KDM4C: variants seen among roughly 807,000 people sequenced by gnomAD.
KDM4C encodes lysine-specific demethylase 4C.
Under a neutral mutation model 129.3 loss-of-function variants are expected in KDM4C, and 81 were observed. That is an observed-to-expected ratio of 0.63 (90% CI 0.52 to 0.75). The LOEUF is 0.75. Among genes scored for constraint, KDM4C ranks in the 30% least tolerant of loss-of-function variants. The pLI, the probability that KDM4C is intolerant of heterozygous loss-of-function variation, is 0.00. For missense variants in KDM4C, 1,457 were observed against 1,304.0 expected (o/e 1.12, Z -1.81); for synonymous variants, 573 against 456.1 (o/e 1.26, Z -3.26).
chr9:6,758,099 G>C lies in KDM4C; in HGVS notation c.-122G>C, dbSNP rs765445583. 8.1e-6 allele frequency: 8 copies of C among 985,512 alleles called. No homozygotes were observed. The African/African-American group carries it at 1.4e-4, about 17-fold the overall frequency. 61.0% of individuals were successfully genotyped at this position (985,512 alleles called of 1,614,324 possible). On this transcript the variant is annotated 5_prime_UTR_variant, in exon 1 of 22. Coordinates refer to ENST00000381309, the MANE Select transcript of KDM4C (RefSeq NM_015061.6). The surrounding 1 kb of genome is among the most constrained non-coding windows in gnomAD (Gnocchi z 4.6). ...GTGCGCAGCGAACAGCTGTCACCTAGTGCGGAACAAGTCTCCCAAATTTCC... is the reference window on the plus strand; with the variant it reads ...GTGCGCAGCGAACAGCTGTCACCTACTGCGGAACAAGTCTCCCAAATTTCC...
intron 17 of KDM4C, among the ~76,000 whole-genome samples, chr9:7,072,739 A>G (rs1479546271): frequency 6.6e-6 from 1 of 152,238 alleles, no homozygotes; most frequent in Non-Finnish European, 1.5e-5. Context: ...AAGTATACAC[A>G]CTAAAGGATG....
At chr9:7,162,271 T>C (rs1843882176) in intron 19 of KDM4C, among the ~76,000 whole-genome samples, 1 of 152,220 alleles carries the variant, frequency 6.6e-6, no homozygotes, top group African/African-American at 2.4e-5. Flanking sequence ...GAAAGCAAAC[T>C]GAAATGTCTT....
chr9:6,823,311 C>G (rs780979049), intron 4 of KDM4C, among the ~76,000 whole-genome samples: 1 of 152,118 alleles, frequency 6.6e-6, no homozygotes, highest in Non-Finnish European at 1.5e-5. Context: ...ATGTTTTGCA[C>G]CAAAAGGGGG....
chr9:6,875,931 C>A (rs1317827385), intron 5 of KDM4C, among the ~76,000 whole-genome samples: 4 of 152,124 alleles, frequency 2.6e-5, no homozygotes, highest in Non-Finnish European at 5.9e-5. Context: ...GACAGTAACC[C>A]AAATGACTCA....
chr9:6,861,624 T>A (rs777325525), intron 5 of KDM4C, among the ~76,000 whole-genome samples: 1 of 152,322 alleles, frequency 6.6e-6, no homozygotes, highest in African/African-American at 2.4e-5. Context: ...AAACTTAATA[T>A]AGCCAATTGT....
At chr9:7,125,459 C>T (rs112328596) in intron 18 of KDM4C, among the ~76,000 whole-genome samples, 5 of 152,166 alleles carry the variant, frequency 3.3e-5, no homozygotes, top group Admixed American at 1.3e-4. Context: ...ATTTGACTCT[C>T]CAACATCAGA....
intron 17 of KDM4C, among the ~76,000 whole-genome samples, chr9:7,070,640 T>C (rs1833068576): frequency 6.6e-6 from 1 of 152,106 alleles, no homozygotes; most frequent in Non-Finnish European, 1.5e-5. Context: ...GAAAAAAACA[T>C]TTAACTGGAT....
chr9:6,726,141 C>G (rs1817120601), intron 1 of KDM4C, among the ~76,000 whole-genome samples: 1 of 152,066 alleles, frequency 6.6e-6, no homozygotes, highest in African/African-American at 2.4e-5. Flanking sequence ...CGCGGCCAGA[C>G]TGGTCTCAAA....
rs1049511079 is a variant in KDM4C, at chr9:7,013,648, A to G, written c.1969-140A>G. ...GTGGAATATTGATTTAAAAAAAACTAGTAGTTTGGTCAAGGAGAACAACAG... is the reference window on the plus strand; with the variant it reads ...GTGGAATATTGATTTAAAAAAAACTGGTAGTTTGGTCAAGGAGAACAACAG... On this transcript the variant is annotated intron_variant, in intron 13 of 21. Transcript: ENST00000381309. 2.7e-5 allele frequency: 19 copies of G among 706,972 alleles called. No homozygotes were observed. The Admixed American group carries it at 3.2e-4, about 12-fold the overall frequency. The allele number at this position is 706,972 out of a possible 1,614,324, so 43.8% of individuals were successfully genotyped here.
chr9:6,934,356 T>C (rs1275270489), intron 8 of KDM4C, among the ~76,000 whole-genome samples: 1 of 145,100 alleles, frequency 6.9e-6, no homozygotes, highest in East Asian at 2.1e-4. Context: ...TGGCGGTCCC[T>C]GTAGTCCCAG....
intron 19 of KDM4C, among the ~76,000 whole-genome samples, chr9:7,148,192 G>T (rs1463660041): frequency 9.9e-5 from 15 of 152,246 alleles, no homozygotes; most frequent in African/African-American, 3.6e-4. Context: ...GCGCCCAAAA[G>T]CTTGGAGACG....
At chr9:6,968,257 C>T (rs561499241) in intron 8 of KDM4C, among the ~76,000 whole-genome samples, 1 of 152,290 alleles carries the variant, frequency 6.6e-6, no homozygotes, top group East Asian at 1.9e-4. Context: ...GGGAGATTCA[C>T]TTGAGATCAG....
chr9:6,846,683 G>A (rs942103710), intron 4 of KDM4C, among the ~76,000 whole-genome samples: 1 of 151,988 alleles, frequency 6.6e-6, no homozygotes, highest in Non-Finnish European at 1.5e-5. Context: ...TATGTTATTT[G>A]CCCATTAACG....
chr9:7,078,799 ACTTACATGT>A (rs1490899496), intron 17 of KDM4C, among the ~76,000 whole-genome samples: 1 of 152,220 alleles, frequency 6.6e-6, no homozygotes, highest in Non-Finnish European at 1.5e-5. Context: ...GTTGGATGTA[ACTTACATGT>A]ACACTGGAGG....
chr9:7,126,357 G>A (rs1407133371), intron 18 of KDM4C, among the ~76,000 whole-genome samples: 1 of 152,296 alleles, frequency 6.6e-6, no homozygotes, highest in Admixed American at 6.5e-5. Flanking sequence ...ATTGTCATTT[G>A]TGTTAGTTTT....
At chr9:6,843,152 C>G (rs190521667) in intron 4 of KDM4C, among the ~76,000 whole-genome samples, 8 of 152,278 alleles carry the variant, frequency 5.3e-5, no homozygotes, top group African/African-American at 1.9e-4. Flanking sequence ...TGGCCTTGAA[C>G]TCCTGACCTC....
chr9:7,119,748 A>G (rs996397770), intron 18 of KDM4C, among the ~76,000 whole-genome samples: 7 of 152,208 alleles, frequency 4.6e-5, no homozygotes, highest in African/African-American at 1.7e-4. Context: ...GGCTTCACAA[A>G]GTAGCCAGAG....
At chr9:7,110,262 G>T (rs563036946) in intron 18 of KDM4C, among the ~76,000 whole-genome samples, 1 of 152,252 alleles carries the variant, frequency 6.6e-6, no homozygotes, top group African/African-American at 2.4e-5. Context: ...GACCAAATTT[G>T]CCATGAAAGG....
intron 18 of KDM4C, among the ~76,000 whole-genome samples, chr9:7,123,297 C>T (rs935977631): frequency 1.3e-5 from 2 of 152,196 alleles, no homozygotes; most frequent in African/African-American, 4.8e-5. Flanking sequence ...CTAGCCTCTT[C>T]TACTTTCCAG....
Sources: gnomAD v4.1 joint callset for allele counts (sites outside exome capture counted in the v4.1 genomes callset) on GRCh38, gnomAD v4.1.1 for gene constraint, Gnocchi (gnomAD v3.1) non-coding constraint, MANE v1.5 for transcripts, NCBI Gene and HGNC (gene_info 2026-07-23, HGNC 2026-07-21) for gene names.